The following NECTIN3 variants were observed in gnomAD, a reference collection of about 807,000 sequenced individuals.
The protein encoded by NECTIN3 is nectin cell adhesion molecule 3.
A neutral mutation model predicts 49.4 loss-of-function variants in NECTIN3; 8 were observed. The observed-to-expected ratio is 0.16, with a 90% CI of 0.10 to 0.29. The LOEUF (loss-of-function observed/expected upper bound fraction) is 0.29. Ranked by LOEUF, NECTIN3 falls within the 10% of genes least tolerant of loss-of-function variation. The pLI is 1.00. For synonymous variants in NECTIN3, 277 were observed against 241.1 expected, an observed-to-expected ratio of 1.15 and a Z score of -1.38; for missense variants, 581 against 654.6, an observed-to-expected ratio of 0.89 and a Z score of 1.23.
upstream of NECTIN3, among the ~76,000 whole-genome samples, chr3:111,187,655 G>A (rs2035745773): frequency 6.6e-6 from 1 of 152,258 alleles, no homozygotes; most frequent in African/African-American, 2.4e-5. Context: ...GAAAAGACAT[G>A]GGGTAACGTT....
downstream of NECTIN3, among the ~76,000 whole-genome samples, chr3:111,140,932 A>T (rs1367974675): frequency 1.3e-5 from 2 of 151,914 alleles, no homozygotes; most frequent in East Asian, 3.9e-4. Context: ...GATAAGTGGT[A>T]ATATTTCTAT....
At chr3:111,122,684 A>C (rs2034006173) in intron 4 of NECTIN3, among the ~76,000 whole-genome samples, 1 of 152,286 alleles carries the variant, frequency 6.6e-6, no homozygotes, top group South Asian at 2.1e-4. Flanking sequence ...CTAAGAGCTA[A>C]GTAGTAGTAT....
intron 1 of NECTIN3, among the ~76,000 whole-genome samples, chr3:111,101,386 A>G (rs919301572): frequency 6.6e-6 from 1 of 152,142 alleles, no homozygotes; most frequent in Non-Finnish European, 1.5e-5. Context: ...AGTAGGATTA[A>G]CTTTATAGTT....
intron 7 of NECTIN3, among the ~76,000 whole-genome samples, chr3:111,149,910 C>A (rs905451972): frequency 2.5e-4 from 38 of 151,914 alleles, no homozygotes; most frequent in African/African-American, 8.5e-4. Flanking sequence ...GAAAACACTG[C>A]ATTCTATGAA....
At position 111,133,781 on chromosome 3, in the gene NECTIN3, A is replaced by G. The variant is rs2034476508; in HGVS notation, c.1216A>G (p.Ile406Val). ...TAAGGATGACACAATTGCCACGATC[A>G]TTGCTAGTGTAGTGGGTGGGGCTCT... ...TIKDDTIATI[I>V]ASVVGGALFI... The change falls in exon 6 of 6, where the codon ATT (isoleucine) becomes GTT (valine). Residue 406 changes from isoleucine to valine, a missense_variant. This residue lies in a region of NECTIN3 where 238 missense variants were observed against 244.9 expected (regional missense o/e 0.97). Coordinates refer to ENST00000485303, the MANE Select transcript of NECTIN3 (RefSeq NM_015480.3). The G allele has an allele frequency of 1.9e-6, 3 of 1,613,844 alleles. No homozygotes were observed. The South Asian group carries it at 3.3e-5, about 18-fold the overall frequency.
chr3:111,189,379 T>C (rs1471000971), upstream of NECTIN3, among the ~76,000 whole-genome samples: 2 of 152,176 alleles, frequency 1.3e-5, no homozygotes, highest in Admixed American at 1.3e-4. Flanking sequence ...TGTATTTAGG[T>C]TTTATTATTA....
chr3:111,138,225 A>G (rs1050305286), downstream of NECTIN3, among the ~76,000 whole-genome samples: 4 of 151,362 alleles, frequency 2.6e-5, no homozygotes, highest in Non-Finnish European at 4.4e-5. Context: ...TTTGTTTCCT[A>G]TTTCTGGCTT....
chr3:111,091,022 A>G (rs2032237174), intron 1 of NECTIN3, among the ~76,000 whole-genome samples: 1 of 152,072 alleles, frequency 6.6e-6, no homozygotes, highest in African/African-American at 2.4e-5. Context: ...TTTACAGTTT[A>G]CTGATTTAAA....
At chr3:111,104,424 G>A (rs571542532) in intron 1 of NECTIN3, among the ~76,000 whole-genome samples, 10 of 150,172 alleles carry the variant, frequency 6.7e-5, no homozygotes, top group African/African-American at 1.7e-4. Flanking sequence ...AGGCTCAAGC[G>A]ATTCTTCCAT....
chr3:111,104,201 C>G (rs2033060421), intron 1 of NECTIN3, among the ~76,000 whole-genome samples: 1 of 151,914 alleles, frequency 6.6e-6, no homozygotes, highest in Admixed American at 6.6e-5. Flanking sequence ...ATTTTGTCCA[C>G]TCTTATGGCT....
chr3:111,109,464 A>G (rs766779658), intron 1 of NECTIN3, among the ~76,000 whole-genome samples: 8 of 152,116 alleles, frequency 5.3e-5, no homozygotes, highest in Non-Finnish European at 1.0e-4. Flanking sequence ...GTCTATATAC[A>G]TATGTACAGG....
chr3:111,119,537 G>A lies in NECTIN3; in HGVS notation c.799+585G>A, dbSNP rs943718651. Among the ~76,000 whole-genome samples the A allele has an allele frequency of 2.6e-5, 4 of 152,266 alleles. No individual in the cohort carries two copies. In the East Asian group the frequency reaches 7.7e-4, roughly 29 times the overall value. On this transcript the variant is annotated intron_variant, in intron 3 of 5. Coordinates refer to ENST00000485303, the MANE Select transcript of NECTIN3 (RefSeq NM_015480.3). ...AGTACAGATGGGGTTTCACCATGTT[G>A]GCCAGGATGGTCTCCATCTCCTGAC...
chr3:111,082,642 G>A (rs2031687198), intron 1 of NECTIN3, among the ~76,000 whole-genome samples: 1 of 152,134 alleles, frequency 6.6e-6, no homozygotes, highest in South Asian at 2.1e-4. Context: ...AACTTTTTTG[G>A]CACCAGGGAC....
At chr3:111,095,056 C>T (rs753780826) in intron 1 of NECTIN3, among the ~76,000 whole-genome samples, 2 of 152,112 alleles carry the variant, frequency 1.3e-5, no homozygotes, top group Non-Finnish European at 2.9e-5. Context: ...AAGAGCCATT[C>T]TGTAAGTTTT....
intron 7 of NECTIN3, among the ~76,000 whole-genome samples, chr3:111,165,623 A>C (rs147566582): frequency 3.9e-5 from 6 of 152,282 alleles, no homozygotes; most frequent in Non-Finnish European, 7.4e-5. Context: ...AAGTCTTTTT[A>C]GTTCTGATTT....
At chr3:111,163,977 G>GAAAAAAAAA (rs760898538) in intron 7 of NECTIN3, among the ~76,000 whole-genome samples, 3 of 96,578 alleles carry the variant, frequency 3.1e-5, no homozygotes, top group Non-Finnish European at 4.6e-5. Context: ...AAGTAAATCT[G>GAAAAAAAAA]AAAAAAAAAA....
At chr3:111,077,958 T>C (rs951343353) in intron 1 of NECTIN3, among the ~76,000 whole-genome samples, 4 of 152,228 alleles carry the variant, frequency 2.6e-5, no homozygotes, top group African/African-American at 9.6e-5. Context: ...GTGAAATTAA[T>C]CTTATTTTAT....
chr3:111,145,045 A>G (rs1215094893), intron 6 of NECTIN3: 1 of 1,535,404 alleles, frequency 6.5e-7, no homozygotes, highest in African/African-American at 1.4e-5. Flanking sequence ...AGTGTAGGTA[A>G]CTTTTTTGCC....
Position 111,135,268 on chromosome 3 carries a change from A to G in NECTIN3, c.*1053A>G, listed in dbSNP as rs1324319755. 3 of 968,032 alleles carry G rather than the reference A, an allele frequency of 3.1e-6. No individual in the cohort carries two copies. The highest frequency in any genetic ancestry group is 3.7e-6 in the Non-Finnish European group (3 of 814,564). 60.0% of individuals were successfully genotyped at this position (968,032 alleles called of 1,614,324 possible). On this transcript the variant is annotated 3_prime_UTR_variant, in exon 6 of 6. Transcript: ENST00000485303. The stretch of plus-strand genomic sequence containing the variant: ...GGATATAACTAGAAAAAACTAGATT[A>G]TAGAATTAGTCGGTAACACTTGCTA...
Sources: allele counts gnomAD v4.1 joint callset (sites outside exome capture counted in the v4.1 genomes callset), GRCh38; gene constraint gnomAD v4.1.1; regional missense constraint gnomAD v4.1.1; transcripts MANE v1.5; gene names NCBI Gene and HGNC (gene_info 2026-07-23, HGNC 2026-07-21).